Variants in CDH13 observed in about 807,000 individuals in gnomAD.
CDH13 encodes the protein cadherin-13.
In CDH13, 24 loss-of-function variants were observed where a neutral mutation model predicts 63.8. The observed-to-expected ratio is 0.38, with a 90% CI of 0.27 to 0.53. The LOEUF (loss-of-function observed/expected upper bound fraction) is 0.53, where lower values mean the gene tolerates loss of function less well. Among genes scored for constraint, CDH13 ranks in the 20% least tolerant of loss-of-function variants. The probability of loss-of-function intolerance (pLI) is 0.85; values close to 1 mark genes in which losing one functional copy is unlikely to be tolerated. For missense variants in CDH13, 1,049 were observed against 903.1 expected (o/e 1.16, Z -2.07); for synonymous variants, 503 against 355.3 (o/e 1.42, Z -4.67).
intron 1 of CDH13, among the ~76,000 whole-genome samples, chr16:82,804,943 C>T (rs2037070871): frequency 6.6e-6 from 1 of 152,142 alleles, no homozygotes; most frequent in Non-Finnish European, 1.5e-5. Flanking sequence ...CTATTTTAAG[C>T]AGAATTATTC....
chr16:83,046,749 A>T (rs1917820500), intron 3 of CDH13, among the ~76,000 whole-genome samples: 1 of 152,172 alleles, frequency 6.6e-6, no homozygotes, highest in African/African-American at 2.4e-5. Flanking sequence ...AATGCCTCCT[A>T]GATAGTGAGG....
chr16:82,876,669 C>T (rs186155860), intron 2 of CDH13, among the ~76,000 whole-genome samples: 1 of 152,312 alleles, frequency 6.6e-6, no homozygotes, highest in African/African-American at 2.4e-5. Context: ...ACTCCAAATA[C>T]CTTCCAGTTT....
chr16:83,040,868 C>G (rs1030045841), intron 3 of CDH13, among the ~76,000 whole-genome samples: 5 of 152,188 alleles, frequency 3.3e-5, no homozygotes, highest in African/African-American at 1.2e-4. Flanking sequence ...AAATGTTCAG[C>G]TAATGAACGA....
intron 5 of CDH13, among the ~76,000 whole-genome samples, chr16:83,327,903 C>T (rs898210075): frequency 1.3e-5 from 2 of 152,140 alleles, no homozygotes; most frequent in African/African-American, 2.4e-5. Flanking sequence ...GAGTCCGAAG[C>T]GGGTGGATCA....
At chr16:83,321,990 G>C (rs1329321698) in intron 5 of CDH13, among the ~76,000 whole-genome samples, 2 of 152,204 alleles carry the variant, frequency 1.3e-5, no homozygotes, top group Non-Finnish European at 2.9e-5. Flanking sequence ...TGGTGAGAAG[G>C]AGCCACAGAG....
At chr16:82,709,576 T>C (rs1275484126) in intron 1 of CDH13, among the ~76,000 whole-genome samples, 1 of 152,156 alleles carries the variant, frequency 6.6e-6, no homozygotes, top group Admixed American at 6.5e-5. Flanking sequence ...ATAGGTACCT[T>C]GCGAGGCTGT....
intron 1 of CDH13, among the ~76,000 whole-genome samples, chr16:82,677,563 G>A (rs901160557): frequency 6.6e-6 from 1 of 151,240 alleles, no homozygotes; most frequent in African/African-American, 2.4e-5. Context: ...TGTAGATAAG[G>A]CAGATAGGAT....
chr16:82,807,019 A>G (rs2037178306), intron 1 of CDH13, among the ~76,000 whole-genome samples: 1 of 152,082 alleles, frequency 6.6e-6, no homozygotes, highest in Non-Finnish European at 1.5e-5. Flanking sequence ...TAAGACTGAT[A>G]AGGTTTTCAG....
intron 1 of CDH13, among the ~76,000 whole-genome samples, chr16:82,810,163 G>T (rs1055575219): frequency 6.6e-6 from 1 of 152,186 alleles, no homozygotes. Flanking sequence ...CTTTCTAAAT[G>T]AGATGTTATC....
At chr16:83,038,167 T>C (rs1210861944) in intron 3 of CDH13, among the ~76,000 whole-genome samples, 1 of 152,198 alleles carries the variant, frequency 6.6e-6, no homozygotes, top group African/African-American at 2.4e-5. Context: ...CTAAGGCAAA[T>C]ATAATCACAG....
At chr16:83,076,937 A>G (rs1567806937) in intron 3 of CDH13, among the ~76,000 whole-genome samples, 1 of 151,664 alleles carries the variant, frequency 6.6e-6, no homozygotes, top group Non-Finnish European at 1.5e-5. Flanking sequence ...TTTTGTGCCA[A>G]CTGAATACAA....
chr16:83,209,406 A>C (rs2039275277), intron 4 of CDH13, among the ~76,000 whole-genome samples: 1 of 152,138 alleles, frequency 6.6e-6, no homozygotes, highest in African/African-American at 2.4e-5. Context: ...ACACAGAGTC[A>C]TTTTCAGGGT....
intron 1 of CDH13, among the ~76,000 whole-genome samples, chr16:82,785,406 T>C (rs1806336663): frequency 6.6e-6 from 1 of 152,204 alleles, no homozygotes; most frequent in Non-Finnish European, 1.5e-5. Flanking sequence ...AAAATGGATG[T>C]TCAGTGGAGC....
At chr16:83,036,685 C>T (rs1454849437) in intron 3 of CDH13, among the ~76,000 whole-genome samples, 1 of 152,128 alleles carries the variant, frequency 6.6e-6, no homozygotes, top group Non-Finnish European at 1.5e-5. Context: ...ATATCTGGCT[C>T]CCACTCTGCA....
chr16:83,408,098 C>T (rs932920395), intron 6 of CDH13, among the ~76,000 whole-genome samples: 2 of 152,178 alleles, frequency 1.3e-5, no homozygotes, highest in African/African-American at 2.4e-5. Flanking sequence ...CGTTCAGAAT[C>T]CTCATTTGCT....
At chr16:83,180,384 C>T (rs1269878216) in intron 4 of CDH13, among the ~76,000 whole-genome samples, 1 of 151,862 alleles carries the variant, frequency 6.6e-6, no homozygotes, top group African/African-American at 2.4e-5. Flanking sequence ...AAACAAACTT[C>T]CTAGGAACTA....
At chr16:83,647,538 G>A (rs772746823) in intron 8 of CDH13, among the ~76,000 whole-genome samples, 1 of 152,180 alleles carries the variant, frequency 6.6e-6, no homozygotes, top group African/African-American at 2.4e-5. Context: ...GCATGCATGC[G>A]TGTGTGTGTT....
At chr16:82,973,341 C>G (rs1693565429) in intron 2 of CDH13, among the ~76,000 whole-genome samples, 1 of 152,214 alleles carries the variant, frequency 6.6e-6, no homozygotes, top group East Asian at 1.9e-4. Flanking sequence ...ATTCAACTTT[C>G]TGTTCCAAAC....
chr16:83,345,296 G>A (rs557059251), intron 6 of CDH13, among the ~76,000 whole-genome samples: 2 of 152,302 alleles, frequency 1.3e-5, no homozygotes, highest in South Asian at 4.1e-4. Flanking sequence ...TAAATATCCA[G>A]CTTACCTTTG....
Sources: gnomAD v4.1 joint callset for allele counts (sites outside exome capture counted in the v4.1 genomes callset) on GRCh38, gnomAD v4.1.1 for gene constraint, MANE v1.5 for transcripts, NCBI Gene and HGNC (gene_info 2026-07-23, HGNC 2026-07-21) for gene names.